The following GOLGA4 variants were observed in gnomAD, a reference collection of about 807,000 sequenced individuals.
The protein encoded by GOLGA4 is golgin A4.
In GOLGA4, 169 loss-of-function variants were observed where a neutral mutation model predicts 265.9. That is an observed-to-expected ratio of 0.64 (90% CI 0.56 to 0.72). GOLGA4 has a LOEUF of 0.72. Among genes scored for constraint, GOLGA4 ranks in the 30% least tolerant of loss-of-function variants. The pLI is 0.00. For missense variants in GOLGA4, 2,482 were observed against 2,483.4 expected (o/e 1.00, Z 0.01); for synonymous variants, 923 against 855.8 (o/e 1.08, Z -1.37).
In GOLGA4 at chr3:37,299,284, T is replaced by G. The variant is rs200408955; in HGVS notation, c.1003-4T>G. 17 of 1,599,644 alleles carry G rather than the reference T, an allele frequency of 1.1e-5. 1 individual carries two copies. The Middle Eastern group carries it at 5.0e-4, about 47-fold the overall frequency. On this transcript the variant is annotated splice_region_variant and splice_polypyrimidine_tract_variant and intron_variant, in intron 8 of 23. Coordinates refer to ENST00000361924, the MANE Select transcript of GOLGA4 (RefSeq NM_002078.5). ...ATGGAAATGAATTTAAAAATTTTTT[T>G]TAGGACCTTCATATGGCCGAGAAGA... is the stretch of plus-strand genomic sequence containing the variant.
intron 10 of GOLGA4, chr3:37,313,578 G>A (rs553165885): frequency 6.6e-6 from 1 of 152,168 alleles, no homozygotes; most frequent in Non-Finnish European, 1.5e-5. Flanking sequence ...CTCAATGGTA[G>A]AGGGAAGGCT....
intron 16 of GOLGA4, among the ~76,000 whole-genome samples, chr3:37,334,358 G>A (rs944300255): frequency 2.0e-5 from 3 of 152,062 alleles, no homozygotes; most frequent in African/African-American, 7.2e-5. Context: ...CAGCACGTTG[G>A]ACAGTAACTC....
At chr3:37,351,398 G>A (rs1453680011) in intron 21 of GOLGA4, among the ~76,000 whole-genome samples, 2 of 152,090 alleles carry the variant, frequency 1.3e-5, no homozygotes, top group South Asian at 2.1e-4. Flanking sequence ...ATCCATGAAA[G>A]TTGGAATCTT....
rs2096975469 is a variant in GOLGA4 at position 37,327,469 on chromosome 3, C to T, written c.5583C>T (p.Ser1861=). The part of the protein sequence containing the change: ...ILEQKIKELD[S]CLVRQKEVHR... ...AGCAAAAGATAAAAGAGCTGGATTCCTGCTTAGTAAGACAGAAAGAAGTAC... is the reference window on the plus strand; with the variant it reads ...AGCAAAAGATAAAAGAGCTGGATTCTTGCTTAGTAAGACAGAAAGAAGTAC... Residue 1861 remains serine, a synonymous_variant, in exon 14 of 24, where the codon TCC becomes TCT. Transcript: ENST00000361924. 5.0e-6 allele frequency: 8 copies of T among 1,613,032 alleles called. No individual in the cohort carries two copies. Among genetic ancestry groups the T allele is most frequent in the Non-Finnish European group, 6.8e-6 (8 of 1,179,678 alleles).
chr3:37,246,992 A>G (rs1441460376), intron 1 of GOLGA4, among the ~76,000 whole-genome samples: 1 of 152,218 alleles, frequency 6.6e-6, no homozygotes, highest in African/African-American at 2.4e-5. Context: ...GAAGGGACAT[A>G]GCCTTATTGT....
In GOLGA4 at chr3:37,326,673, C is replaced by G; in HGVS notation, c.4787C>G (p.Ser1596Cys). The change falls in exon 14 of 24, where the codon TCC becomes TGC. Residue 1596 changes from serine (S) to cysteine (C), a missense_variant. By Grantham distance (112) the Ser-to-Cys change is moderately radical. Transcript: ENST00000361924. Reference protein sequence around the residue: ...KILTLENQVYSMKAELETKKK... With the variant: ...KILTLENQVYCMKAELETKKK... Reference sequence around the variant, plus strand: ...TTAACACTTGAAAACCAAGTTTATTCCATGAAAGCTGAACTTGAAACTAAG... The same window carrying G: ...TTAACACTTGAAAACCAAGTTTATTGCATGAAAGCTGAACTTGAAACTAAG... 3 of 1,611,302 alleles carry G rather than the reference C, an allele frequency of 1.9e-6. No homozygotes were observed. Among genetic ancestry groups the G allele is most frequent in the South Asian group, 1.1e-5 (1 of 90,390 alleles).
chr3:37,285,744 T>C (rs2096846701), intron 3 of GOLGA4, among the ~76,000 whole-genome samples: 1 of 152,258 alleles, frequency 6.6e-6, no homozygotes. Flanking sequence ...CAAGTTGGCT[T>C]GAATCCCCAC....
chr3:37,257,974 C>A (rs979266212), intron 2 of GOLGA4, among the ~76,000 whole-genome samples: 1 of 40,214 alleles, frequency 2.5e-5, no homozygotes, highest in Non-Finnish European at 4.7e-5. Context: ...TATATACATA[C>A]ATATATATAT....
chr3:37,324,501 A>G lies in GOLGA4; in HGVS notation c.2615A>G (p.Lys872Arg). Residue 872 changes from lysine (K) to arginine (R), a missense_variant, in exon 14 of 24, where the codon AAA becomes AGA. Lys to Arg is a conservative substitution (Grantham distance 26). Transcript: ENST00000361924. ...CAGGACTTAATGCAGCAACTTGAAA[A>G]ACAAAATAGTGAAATGGAGCAAAAA... is the stretch of plus-strand genomic sequence containing the variant. ...QVQDLMQQLE[K>R]QNSEMEQKVK... 1 of 1,614,038 alleles carries G rather than the reference A, an allele frequency of 6.2e-7. No homozygotes were observed. The highest frequency in any genetic ancestry group is 8.5e-7 in the Non-Finnish European group (1 of 1,179,936).
chr3:37,330,545 G>T (rs1408106405), intron 16 of GOLGA4, among the ~76,000 whole-genome samples: 1 of 152,156 alleles, frequency 6.6e-6, no homozygotes, highest in African/African-American at 2.4e-5. Flanking sequence ...ACAGGTTACC[G>T]TATACCCTTT....
chr3:37,253,333 G>A (rs934185544), intron 2 of GOLGA4, among the ~76,000 whole-genome samples: 13 of 151,282 alleles, frequency 8.6e-5, no homozygotes, highest in South Asian at 2.1e-4. Context: ...ATGAGAAACC[G>A]CATAGGGTAC....
At chr3:37,329,879 CTT>C (rs753531802) in intron 16 of GOLGA4, among the ~76,000 whole-genome samples, 5 of 152,060 alleles carry the variant, frequency 3.3e-5, no homozygotes, top group Non-Finnish European at 5.9e-5. Context: ...TGCTAAGAAT[CTT>C]TTGGTGATTA....
intron 2 of GOLGA4, among the ~76,000 whole-genome samples, chr3:37,275,041 G>C (rs973144888): frequency 6.6e-6 from 1 of 151,106 alleles, no homozygotes; most frequent in Non-Finnish European, 1.5e-5. Flanking sequence ...GTGAAACCCC[G>C]TCTCTACTAA....
chr3:37,326,437 A>G lies in GOLGA4; in HGVS notation c.4551A>G (p.Glu1517=). The change falls in exon 14 of 24, where the codon GAA becomes GAG. Residue 1517 remains glutamate, a synonymous_variant. Transcript: ENST00000361924. ...SKMEKKESNL[E]TELKSQTARI... ...TGGAGAAAAAGGAGTCTAATTTAGA[A>G]ACAGAGTTAAAGTCTCAAACAGCAA... 1.2e-6 allele frequency: 2 copies of G among 1,612,582 alleles called. No homozygotes were observed. The highest frequency in any genetic ancestry group is 2.2e-5 in the South Asian group (2 of 90,872).
At chr3:37,364,126 C>G (rs999535010) in intron 23 of GOLGA4, among the ~76,000 whole-genome samples, 1 of 152,138 alleles carries the variant, frequency 6.6e-6, no homozygotes, top group Non-Finnish European at 1.5e-5. Context: ...CTCCCCCTAT[C>G]CACTTAATAT....
At chr3:37,276,116 T>G (rs941901109) in intron 2 of GOLGA4, 25 of 1,610,680 alleles carry the variant, frequency 1.6e-5, no homozygotes, top group Non-Finnish European at 1.9e-5. Flanking sequence ...TTCTGTGCAG[T>G]TGAAGTGTAG....
At chr3:37,301,191 C>G (rs374949364) in intron 9 of GOLGA4, among the ~76,000 whole-genome samples, 42 of 152,298 alleles carry the variant, frequency 2.8e-4, no homozygotes, top group African/African-American at 8.4e-4. Flanking sequence ...AAGTGAACCA[C>G]CTCATTTTTT....
intron 10 of GOLGA4, among the ~76,000 whole-genome samples, chr3:37,308,702 G>A (rs1036632981): frequency 5.3e-5 from 8 of 150,970 alleles, no homozygotes; most frequent in South Asian, 2.1e-4. Context: ...TGCAACGTCC[G>A]CCTCCTGGGT....
intron 22 of GOLGA4, among the ~76,000 whole-genome samples, chr3:37,358,733 G>T (rs1360578346): frequency 2.6e-5 from 4 of 152,088 alleles, no homozygotes; most frequent in African/African-American, 9.7e-5. Flanking sequence ...GTAAATCATT[G>T]ATGTGTATAA....
Sources: gnomAD v4.1 joint callset for allele counts (sites outside exome capture counted in the v4.1 genomes callset) on GRCh38, gnomAD v4.1.1 for gene constraint, MANE v1.5 for transcripts, NCBI Gene and HGNC (gene_info 2026-07-23, HGNC 2026-07-21) for gene names.